The following NDRG3 variants were observed in gnomAD, a reference collection of about 807,000 sequenced individuals.
NDRG3 encodes protein NDRG3.
Under a neutral mutation model 57.2 loss-of-function variants are expected in NDRG3, and 23 were observed. The ratio of observed to expected loss-of-function variants is 0.40; its 90% CI spans 0.29 to 0.57. NDRG3 has a LOEUF of 0.57. Ranked by LOEUF, NDRG3 falls within the 20% of genes least tolerant of loss-of-function variation. The pLI, the probability that NDRG3 is intolerant of heterozygous loss-of-function variation, is 0.42. For synonymous variants in NDRG3, 132 were observed against 162.6 expected, an observed-to-expected ratio of 0.81 and a Z score of 1.43; for missense variants, 384 against 457.3, an observed-to-expected ratio of 0.84 and a Z score of 1.46.
intron 3 of NDRG3, among the ~76,000 whole-genome samples, chr20:36,705,619 G>A: frequency 6.6e-6 from 1 of 152,070 alleles, no homozygotes; most frequent in Non-Finnish European, 1.5e-5. Flanking sequence ...GTACCCTCTG[G>A]GTCTACTTCA....
At chr20:36,711,154 C>T (rs1297360428) in intron 2 of NDRG3, among the ~76,000 whole-genome samples, 1 of 148,316 alleles carries the variant, frequency 6.7e-6, no homozygotes, top group Non-Finnish European at 1.5e-5. Context: ...TGGTGGCAGG[C>T]GCCTGTAGTC....
At chr20:36,664,797 C>T (rs1046509508) in intron 12 of NDRG3, among the ~76,000 whole-genome samples, 6 of 152,066 alleles carry the variant, frequency 3.9e-5, no homozygotes, top group Non-Finnish European at 8.8e-5. Flanking sequence ...TCAAGCAATC[C>T]TCCTACCTCA....
At chr20:36,741,278 G>A (rs1352200502) in intron 1 of NDRG3, among the ~76,000 whole-genome samples, 1 of 152,102 alleles carries the variant, frequency 6.6e-6, no homozygotes, top group Non-Finnish European at 1.5e-5. Context: ...AAGCTTACGT[G>A]ATACCAAGTA....
At chr20:36,707,316 G>C (rs139435159) in intron 2 of NDRG3, among the ~76,000 whole-genome samples, 296 of 152,290 alleles carry the variant, frequency 1.9e-3, no homozygotes, top group African/African-American at 6.9e-3. Flanking sequence ...TTTGCAGGAA[G>C]AGGGTAAAAC....
chr20:36,691,462 C>T (rs1982260069), intron 3 of NDRG3, among the ~76,000 whole-genome samples: 2 of 152,120 alleles, frequency 1.3e-5, no homozygotes, highest in Middle Eastern at 3.2e-3. Flanking sequence ...GCCTGTAATC[C>T]CAGCACTTTG....
chr20:36,670,431 G>A (rs1980046067), intron 9 of NDRG3, among the ~76,000 whole-genome samples: 1 of 152,136 alleles, frequency 6.6e-6, no homozygotes, highest in African/African-American at 2.4e-5. Flanking sequence ...ATGTGAATTT[G>A]TAACTTTGAT....
intron 10 of NDRG3, among the ~76,000 whole-genome samples, chr20:36,665,805 C>G (rs1979581346): frequency 6.6e-6 from 1 of 152,148 alleles, no homozygotes; most frequent in African/African-American, 2.4e-5. Context: ...ACTATGTTGG[C>G]CAGGCTGGTC....
intron 5 of NDRG3, 123 bp downstream of exon 5, chr20:36,687,369 C>T: frequency 4.9e-6 from 6 of 1,225,592 alleles, no homozygotes; most frequent in Non-Finnish European, 6.7e-6. Context: ...GATGGTTGGT[C>T]AATAAGCATA....
At chr20:36,711,055 T>C (rs974873583) in intron 2 of NDRG3, among the ~76,000 whole-genome samples, 2 of 142,380 alleles carry the variant, frequency 1.4e-5, no homozygotes, top group East Asian at 4.1e-4. Context: ...CCGGGGCGGG[T>C]GGATCACGAG....
intron 1 of NDRG3, among the ~76,000 whole-genome samples, chr20:36,724,295 G>T (rs1166391908): frequency 6.6e-6 from 1 of 152,170 alleles, no homozygotes; most frequent in Non-Finnish European, 1.5e-5. Flanking sequence ...GAACCACCTA[G>T]AGACCACAAA....
intron 2 of NDRG3, among the ~76,000 whole-genome samples, chr20:36,710,794 C>T (rs1425683473): frequency 7.4e-6 from 1 of 134,714 alleles, no homozygotes; most frequent in Non-Finnish European, 1.6e-5. Flanking sequence ...GCCTGGGCTA[C>T]AGAGTGAGAC....
chr20:36,662,250 T>C (rs1408493127), intron 12 of NDRG3, among the ~76,000 whole-genome samples: 1 of 150,894 alleles, frequency 6.6e-6, no homozygotes, highest in Non-Finnish European at 1.5e-5. Flanking sequence ...TTTTTTGAGA[T>C]GGAGTCTTGT....
Position 36,682,532 on chromosome 20 carries a change from G to C in NDRG3, c.430C>G (p.Leu144Val). 3.1e-6 allele frequency: 5 copies of C among 1,613,954 alleles called. No individual in the cohort carries two copies. The highest frequency in any genetic ancestry group is 2.2e-5 in the East Asian group (1 of 44,874). The change falls in exon 7 of 16, where the codon CTC becomes GTC. Residue 144 changes from leucine to valine, a missense_variant. By Grantham distance (32) the Leu-to-Val change is conservative. Coordinates refer to ENST00000349004, the MANE Select transcript of NDRG3 (RefSeq NM_032013.4). ...GIGVGAGAYI[L>V]SRFALNHPEL... ...TACATACTTACTGCAAATCTGCTGA[G>C]GATGTAAGCTCCAGCTCCAACTCCA...
At chr20:36,722,669 A>G (rs1413264260) in intron 1 of NDRG3, among the ~76,000 whole-genome samples, 1 of 152,198 alleles carries the variant, frequency 6.6e-6, no homozygotes, top group Non-Finnish European at 1.5e-5. Flanking sequence ...GGCTAAGCTT[A>G]CTAATCCTCA....
At chr20:36,727,831 G>A (rs1324188772) in intron 1 of NDRG3, among the ~76,000 whole-genome samples, 36 of 152,066 alleles carry the variant, frequency 2.4e-4, no homozygotes. Context: ...ATGAGCCACC[G>A]TGCCCGGCCT....
intron 2 of NDRG3, among the ~76,000 whole-genome samples, chr20:36,719,672 C>A (rs1010482460): frequency 6.6e-6 from 1 of 151,858 alleles, no homozygotes; most frequent in Admixed American, 6.6e-5. Context: ...CGCACACCCC[C>A]CCTCCCCGCC....
chr20:36,672,577 C>A (rs1161692246), intron 8 of NDRG3, among the ~76,000 whole-genome samples: 2 of 152,140 alleles, frequency 1.3e-5, no homozygotes, highest in Non-Finnish European at 1.5e-5. Context: ...GCCTGTAATC[C>A]CAGCACTGTG....
At chr20:36,710,537 G>A (rs1307678875) in intron 2 of NDRG3, among the ~76,000 whole-genome samples, 3 of 152,076 alleles carry the variant, frequency 2.0e-5, no homozygotes, top group East Asian at 1.9e-4. Flanking sequence ...GGCCAGGTGC[G>A]TTGGCTCATG....
chr20:36,686,543 G>C (rs1568641693), intron 5 of NDRG3, among the ~76,000 whole-genome samples: 1 of 152,170 alleles, frequency 6.6e-6, no homozygotes, highest in African/African-American at 2.4e-5. Context: ...TGAAAGGATA[G>C]GGGAAGAATT....
Sources: allele counts gnomAD v4.1 joint callset (sites outside exome capture counted in the v4.1 genomes callset), GRCh38; gene constraint gnomAD v4.1.1; transcripts MANE v1.5; gene names NCBI Gene and HGNC (gene_info 2026-07-23, HGNC 2026-07-21).